COL26A1: variants seen among roughly 807,000 people sequenced by gnomAD.
COL26A1 encodes collagen type XXVI alpha 1 chain, also known as collagen alpha-1(XXVI) chain.
A neutral mutation model predicts 59.3 loss-of-function variants in COL26A1; 41 were observed. The observed-to-expected ratio is 0.69, with a 90% CI of 0.54 to 0.90. The LOEUF is 0.90. COL26A1 is among the 40% of genes least tolerant of loss of function. COL26A1 has a pLI of 0.00. For synonymous variants in COL26A1, 266 were observed against 256.0 expected (o/e 1.04, Z -0.37); for missense variants, 612 against 602.3 (o/e 1.02, Z -0.17).
At chr7:101,493,757 T>TAA (rs57268952) in intron 3 of COL26A1, among the ~76,000 whole-genome samples, 2,970 of 69,192 alleles carry the variant, frequency 0.043, 339 homozygotes, top group African/African-American at 0.16. Flanking sequence ...CCATCTCTAC[T>TAA]AAAAAAAAAA....
intron 1 of COL26A1, among the ~76,000 whole-genome samples, chr7:101,409,696 T>G (rs1257674280): frequency 6.6e-6 from 1 of 152,180 alleles, no homozygotes; most frequent in Non-Finnish European, 1.5e-5. Flanking sequence ...ATTTAATTAT[T>G]TCAAGGCAAC....
rs1554403980 is a variant in COL26A1 at position 101,387,374 on chromosome 7, G to GGAAA, written c.158+24184_158+24185insGAAA. ...TTAGGTGAAAGAAACCCGACACACT[G>GGAAA]AAAAAAAAAAAAGTTTATTTTTTCC... On this transcript the variant is annotated intron_variant, in intron 1 of 12. Coordinates refer to ENST00000313669, the MANE Select transcript of COL26A1 (RefSeq NM_001278563.3). Among the ~76,000 whole-genome samples, 511 of 143,744 alleles carry GGAAA rather than the reference G, an allele frequency of 3.6e-3. 3 individuals are homozygous for GGAAA. The highest frequency in any genetic ancestry group is 0.013 in the African/African-American group (492 of 38,580). The allele number at this position is 143,744 out of a possible 152,430, so 94.3% of individuals were successfully genotyped here.
At chr7:101,397,538 C>A (rs981742920) in intron 1 of COL26A1, among the ~76,000 whole-genome samples, 7 of 128,330 alleles carry the variant, frequency 5.5e-5, no homozygotes, top group Admixed American at 3.7e-4. Flanking sequence ...TCCTCCCCCC[C>A]CCTCCTTTTT....
chr7:101,528,084 G>A (rs1400366351), intron 3 of COL26A1, among the ~76,000 whole-genome samples: 1 of 152,144 alleles, frequency 6.6e-6, no homozygotes, highest in Non-Finnish European at 1.5e-5. Context: ...TGGGGAGTCC[G>A]AGCTGGCTGG....
At chr7:101,509,319 G>A (rs1044914861) in intron 3 of COL26A1, among the ~76,000 whole-genome samples, 32 of 151,790 alleles carry the variant, frequency 2.1e-4, no homozygotes, top group African/African-American at 7.7e-4. Flanking sequence ...GGTAGCAGGC[G>A]CCTGTAATCC....
At chr7:101,414,022 G>C (rs1584386480) in intron 1 of COL26A1, among the ~76,000 whole-genome samples, 1 of 152,168 alleles carries the variant, frequency 6.6e-6, no homozygotes, top group African/African-American at 2.4e-5. Context: ...AAAACACTCA[G>C]GACGCAGGGA....
intron 1 of COL26A1, among the ~76,000 whole-genome samples, chr7:101,384,396 T>C (rs1194210970): frequency 6.6e-6 from 1 of 151,920 alleles, no homozygotes; most frequent in East Asian, 1.9e-4. Flanking sequence ...GCCAGCTAAA[T>C]TTTGTATTTT....
At chr7:101,376,222 C>T (rs117978026) in intron 1 of COL26A1, among the ~76,000 whole-genome samples, 2 of 150,738 alleles carry the variant, frequency 1.3e-5, no homozygotes, top group Admixed American at 1.3e-4. Flanking sequence ...GAGGCTGAGG[C>T]GGCAGGATCA....
At chr7:101,373,898 C>T (rs1437093913) in intron 1 of COL26A1, among the ~76,000 whole-genome samples, 2 of 152,176 alleles carry the variant, frequency 1.3e-5, no homozygotes, top group African/African-American at 4.8e-5. Flanking sequence ...AGAAACAATT[C>T]CTATGGCAAT....
chr7:101,519,108 G>A (rs891748933), intron 3 of COL26A1, among the ~76,000 whole-genome samples: 1 of 152,152 alleles, frequency 6.6e-6, no homozygotes, highest in Non-Finnish European at 1.5e-5. Flanking sequence ...ACACTTGCCT[G>A]TCCAGAAGAG....
chr7:101,506,112 G>C (rs554031885), intron 3 of COL26A1, among the ~76,000 whole-genome samples: 57 of 152,304 alleles, frequency 3.7e-4, no homozygotes, highest in Non-Finnish European at 7.1e-4. Context: ...GGAGGGAATG[G>C]ACTCTGGGTG....
intron 10 of COL26A1, 177 bp from the exon 11 acceptor site, chr7:101,553,149 G>C (rs748826541): frequency 1.8e-6 from 1 of 555,330 alleles, no homozygotes; most frequent in African/African-American, 1.9e-5. Context: ...CCCCGGAGCC[G>C]TGGCCTCCCC....
chr7:101,529,711 A>T (rs548262893), intron 3 of COL26A1, among the ~76,000 whole-genome samples: 1 of 152,230 alleles, frequency 6.6e-6, no homozygotes, highest in Non-Finnish European at 1.5e-5. Context: ...TTCGCTCAGA[A>T]TGACAACCTC....
At chr7:101,419,123 C>T (rs924767513) in intron 1 of COL26A1, among the ~76,000 whole-genome samples, 30 of 128,740 alleles carry the variant, frequency 2.3e-4, no homozygotes, top group African/African-American at 4.2e-4. Flanking sequence ...CTTCTCCCTT[C>T]CTCTCCTCCT....
chr7:101,424,295 A>G (rs1181244189), intron 2 of COL26A1, among the ~76,000 whole-genome samples: 1 of 152,128 alleles, frequency 6.6e-6, no homozygotes, highest in Non-Finnish European at 1.5e-5. Flanking sequence ...TTCTGCTGTT[A>G]TTATATTTTA....
intron 3 of COL26A1, among the ~76,000 whole-genome samples, chr7:101,487,095 C>A (rs533540393): frequency 5.1e-4 from 78 of 152,118 alleles, no homozygotes; most frequent in African/African-American, 1.8e-3. Flanking sequence ...AGATGCAGGG[C>A]GGGGAGGAGG....
Position 101,387,745 on chromosome 7 carries a change from TATATATA to T in COL26A1, c.158+24556_158+24562del, listed in dbSNP as rs1791616378. On this transcript the variant is annotated intron_variant, in intron 1 of 12. Coordinates refer to ENST00000313669, the MANE Select transcript of COL26A1 (RefSeq NM_001278563.3). ...ATATATTTTAATATAATTATATATA[TATATATA>T]TTTATATATATATATATATATATAT... Among the ~76,000 whole-genome samples, 8 of 101,528 alleles carry T rather than the reference TATATATA, an allele frequency of 7.9e-5. 1 individual carries two copies. The highest frequency in any genetic ancestry group is 3.4e-4 in the African/African-American group (8 of 23,784). 66.6% of individuals were successfully genotyped at this position (101,528 alleles called of 152,430 possible). A position where few individuals can be genotyped will look rare whatever the true frequency, so the allele number is the denominator to read the frequency against.
At chr7:101,504,176 C>T (rs996723928) in intron 3 of COL26A1, among the ~76,000 whole-genome samples, 1 of 152,174 alleles carries the variant, frequency 6.6e-6, no homozygotes, top group African/African-American at 2.4e-5. Flanking sequence ...TCTCGGCTCA[C>T]TGCAACCTCT....
chr7:101,500,427 GACC>G (rs1177663702), intron 3 of COL26A1, among the ~76,000 whole-genome samples: 5 of 152,208 alleles, frequency 3.3e-5, no homozygotes, highest in African/African-American at 4.8e-5. Flanking sequence ...GGAGTTTGGA[GACC>G]ACCTCCCAAC....
Sources: allele counts gnomAD v4.1 joint callset (sites outside exome capture counted in the v4.1 genomes callset), GRCh38; gene constraint gnomAD v4.1.1; transcripts MANE v1.5; gene names NCBI Gene and HGNC (gene_info 2026-07-23, HGNC 2026-07-21).